Variants in C2CD3 observed in about 807,000 individuals in gnomAD.
C2CD3 encodes C2 domain containing 3 centriole elongation regulator, also known as C2 domain-containing protein 3.
In C2CD3, 148 loss-of-function variants were observed where a neutral mutation model predicts 234.0. That is an observed-to-expected ratio of 0.63 (90% CI 0.55 to 0.72). The LOEUF (loss-of-function observed/expected upper bound fraction) is 0.72. Ranked by LOEUF, C2CD3 falls within the 30% of genes least tolerant of loss-of-function variation. The probability of loss-of-function intolerance (pLI) is 0.00; values close to 1 mark genes in which losing one functional copy is unlikely to be tolerated. For synonymous variants in C2CD3, 1,000 were observed against 1,035.4 expected, an observed-to-expected ratio of 0.97 and a Z score of 0.66; for missense variants, 2,577 against 2,811.5, an observed-to-expected ratio of 0.92 and a Z score of 1.89.
chr11:74,031,911 C>T (rs1952534393), intron 31 of C2CD3, among the ~76,000 whole-genome samples: 1 of 152,238 alleles, frequency 6.6e-6, no homozygotes, highest in Non-Finnish European at 1.5e-5. Context: ...AGCCTCCAGC[C>T]ATTGCATGCT....
intron 7 of C2CD3, chr11:74,129,484 G>A (rs544127173): frequency 7.2e-4 from 138 of 191,680 alleles, no homozygotes; most frequent in South Asian, 1.3e-3. Context: ...ATGGGTGGCC[G>A]GGCAGAGACA....
At position 74,125,567 on chromosome 11, in the gene C2CD3, C is replaced by T. The variant is rs184320142; in HGVS notation, c.1218-2432G>A. Among the ~76,000 whole-genome samples the T allele has an allele frequency of 2.6e-5, 4 of 152,084 alleles. No individual in the cohort carries two copies. In the South Asian group the frequency reaches 6.2e-4, roughly 24 times the overall value. On this transcript the variant is annotated intron_variant, in intron 7 of 32. Transcript: ENST00000334126. ...AAAATGAAGGACCCACTCTCTTATA[C>T]CATTACACTTGAACCACACATTTCC...
At chr11:74,105,711 A>G (rs1261652616) in intron 13 of C2CD3, among the ~76,000 whole-genome samples, 3 of 152,192 alleles carry the variant, frequency 2.0e-5, no homozygotes, top group African/African-American at 7.2e-5. Flanking sequence ...TCTACCAGGC[A>G]CACTTAGTTA....
intron 14 of C2CD3, among the ~76,000 whole-genome samples, chr11:74,101,420 T>C (rs902512971): frequency 6.6e-6 from 1 of 152,012 alleles, no homozygotes; most frequent in African/African-American, 2.4e-5. Context: ...AAGTGTGAAA[T>C]TAGAAAAGGG....
intron 8 of C2CD3, among the ~76,000 whole-genome samples, chr11:74,119,073 C>T (rs1013975259): frequency 6.6e-6 from 1 of 151,962 alleles, no homozygotes; most frequent in African/African-American, 2.4e-5. Context: ...CCACACCTGA[C>T]TAATTTTTGT....
intron 32 of C2CD3, among the ~76,000 whole-genome samples, chr11:74,022,419 G>A (rs955314516): frequency 2.0e-5 from 3 of 152,132 alleles, no homozygotes; most frequent in African/African-American, 7.2e-5. Context: ...GTGACACATC[G>A]GACAAGACGT....
At chr11:74,092,738 C>T in intron 18 of C2CD3, 150 bp from the exon 19 acceptor site, 1 of 618,596 alleles carries the variant, frequency 1.6e-6, no homozygotes, top group Non-Finnish European at 2.7e-6. Flanking sequence ...CTAAATTTAC[C>T]ACTCATTATG....
At chr11:74,099,002 C>A (rs1400747626) in intron 15 of C2CD3, among the ~76,000 whole-genome samples, 2 of 152,184 alleles carry the variant, frequency 1.3e-5, no homozygotes, top group Non-Finnish European at 2.9e-5. Context: ...AAAATACCAA[C>A]TATGATGCTT....
intron 28 of C2CD3, among the ~76,000 whole-genome samples, chr11:74,045,586 T>C (rs2135425917): frequency 6.6e-6 from 1 of 152,252 alleles, no homozygotes; most frequent in East Asian, 1.9e-4. Flanking sequence ...CCTTTTTTTT[T>C]TGGCAGACAG....
intron 24 of C2CD3, among the ~76,000 whole-genome samples, chr11:74,073,072 T>G (rs1278433925): frequency 6.6e-6 from 1 of 152,154 alleles, no homozygotes; most frequent in Non-Finnish European, 1.5e-5. Context: ...GAGATTACAA[T>G]GCTGAATAAA....
chr11:74,096,920 G>T (rs1212522073), intron 16 of C2CD3, among the ~76,000 whole-genome samples: 1 of 152,116 alleles, frequency 6.6e-6, no homozygotes, highest in Non-Finnish European at 1.5e-5. Flanking sequence ...GGAGGTGGGT[G>T]GATCACTTGA....
At chr11:74,065,919 T>TGGGGGGA (rs1418095316) in intron 24 of C2CD3, among the ~76,000 whole-genome samples, 1 of 41,492 alleles carries the variant, frequency 2.4e-5, no homozygotes. Context: ...TGTCGTGGGG[T>TGGGGGGA]GGGGGGAGGG....
intron 5 of C2CD3, among the ~76,000 whole-genome samples, chr11:74,135,723 G>A (rs976138794): frequency 6.6e-6 from 1 of 152,062 alleles, no homozygotes; most frequent in African/African-American, 2.4e-5. Flanking sequence ...AAAATCATTA[G>A]GTTTATGTAT....
At chr11:74,069,365 C>G (rs1328266217) in intron 24 of C2CD3, among the ~76,000 whole-genome samples, 1 of 152,198 alleles carries the variant, frequency 6.6e-6, no homozygotes, top group African/African-American at 2.4e-5. Flanking sequence ...CAAAAGAAGG[C>G]TGCTATACCC....
intron 25 of C2CD3, 63 bp from the exon 26 acceptor site, chr11:74,054,734 G>T (rs1953878522): frequency 2.7e-6 from 3 of 1,117,608 alleles, no homozygotes; most frequent in African/African-American, 3.1e-5. Flanking sequence ...ATAAAACTTA[G>T]ATTTGAAGAA....
chr11:74,061,318 T>C (rs576739486), intron 24 of C2CD3, among the ~76,000 whole-genome samples: 3 of 152,056 alleles, frequency 2.0e-5, no homozygotes, highest in Non-Finnish European at 4.4e-5. Context: ...CCAAGACACA[T>C]AATTGTCAGA....
At chr11:74,096,323 C>A (rs560505873) in intron 16 of C2CD3, among the ~76,000 whole-genome samples, 14 of 152,232 alleles carry the variant, frequency 9.2e-5, no homozygotes, top group South Asian at 6.2e-4. Flanking sequence ...ATATGATATA[C>A]ATGTGTTTAA....
At chr11:74,137,399 A>G (rs1051376688) in intron 5 of C2CD3, among the ~76,000 whole-genome samples, 2 of 151,924 alleles carry the variant, frequency 1.3e-5, no homozygotes, top group African/African-American at 4.8e-5. Flanking sequence ...TGAGTCAACA[A>G]ATATCTTTCC....
chr11:74,047,687 T>C (rs1953453594), intron 28 of C2CD3, among the ~76,000 whole-genome samples: 1 of 152,192 alleles, frequency 6.6e-6, no homozygotes. Context: ...GGAAAGACTC[T>C]GGTGTAGGCA....
Sources: gnomAD v4.1 joint callset for allele counts (sites outside exome capture counted in the v4.1 genomes callset) on GRCh38, gnomAD v4.1.1 for gene constraint, MANE v1.5 for transcripts, NCBI Gene and HGNC (gene_info 2026-07-23, HGNC 2026-07-21) for gene names.